MYLK: variants seen among roughly 807,000 people sequenced by gnomAD.
The protein encoded by MYLK is myosin light chain kinase, smooth muscle.
A neutral mutation model predicts 203.4 loss-of-function variants in MYLK; 106 were observed. The observed-to-expected ratio is 0.52, with a 90% CI of 0.45 to 0.61. MYLK has a LOEUF of 0.61. Among genes scored for constraint, MYLK ranks in the 20% least tolerant of loss-of-function variants. MYLK has a pLI of 0.00. For missense variants in MYLK, 2,072 were observed against 2,442.3 expected, an observed-to-expected ratio of 0.85 and a Z score of 3.20; for synonymous variants, 867 against 959.5, an observed-to-expected ratio of 0.90 and a Z score of 1.78.
intron 18 of MYLK, among the ~76,000 whole-genome samples, chr3:123,694,210 G>A (rs67240200): frequency 0.14 from 21,221 of 152,122 alleles, 2,057 homozygotes; most frequent in Middle Eastern, 0.28. Context: ...TAAACCACCT[G>A]GGGCAAGAGG....
chr3:123,727,282 C>A (rs1339231662), intron 11 of MYLK, among the ~76,000 whole-genome samples: 1 of 152,142 alleles, frequency 6.6e-6, no homozygotes, highest in African/African-American at 2.4e-5. Flanking sequence ...TCAGACAGAC[C>A]ACCCAGAAGG....
chr3:123,796,662 T>C (rs993083556), intron 3 of MYLK, among the ~76,000 whole-genome samples: 5 of 152,198 alleles, frequency 3.3e-5, no homozygotes, highest in African/African-American at 7.2e-5. Context: ...CTGAACACTC[T>C]TGGCTCCGAC....
intron 5 of MYLK, among the ~76,000 whole-genome samples, chr3:123,741,435 A>G (rs935964538): frequency 5.3e-5 from 8 of 152,194 alleles, no homozygotes; most frequent in Non-Finnish European, 1.2e-4. Flanking sequence ...GGTTTTTGTC[A>G]TTCCATTCTC....
intron 1 of MYLK, among the ~76,000 whole-genome samples, chr3:123,881,787 A>G (rs2033558842): frequency 6.6e-6 from 1 of 152,136 alleles, no homozygotes; most frequent in Non-Finnish European, 1.5e-5. Context: ...CGCATTCACA[A>G]TCTATGCCTC....
At chr3:123,764,828 C>G (rs1322772692) in intron 4 of MYLK, among the ~76,000 whole-genome samples, 1 of 152,178 alleles carries the variant, frequency 6.6e-6, no homozygotes, top group Non-Finnish European at 1.5e-5. Flanking sequence ...GGAAGTATGT[C>G]ATCTTCCAAT....
Position 123,708,809 on chromosome 3 carries a change from G to A in MYLK, c.2029C>T (p.Gln677Ter). ...EDFHFEQRGT[Q>*]HSLCIQEVFP... ...ACTTCCTGGATACAAAGGCTGTGCT[G>A]AGTTCCTCTCTGTTCAAAGTGGAAG... is the stretch of plus-strand genomic sequence containing the variant. The change falls in exon 15 of 34, where the codon CAG becomes TAG. Residue 677 changes from glutamine to a stop codon, truncating the protein, a stop_gained. Coordinates refer to ENST00000360304, the MANE Select transcript of MYLK (RefSeq NM_053025.4). LOFTEE classifies it high-confidence loss of function. The A allele has an allele frequency of 6.2e-7, 1 of 1,614,198 alleles. No individual in the cohort carries two copies.
At chr3:123,746,549 A>C (rs1345979504) in intron 5 of MYLK, among the ~76,000 whole-genome samples, 1 of 152,206 alleles carries the variant, frequency 6.6e-6, no homozygotes, top group Non-Finnish European at 1.5e-5. Flanking sequence ...AAAGGAGGGA[A>C]GAGATTCCAG....
At chr3:123,863,897 A>C (rs1265940356) in intron 2 of MYLK, among the ~76,000 whole-genome samples, 6 of 152,246 alleles carry the variant, frequency 3.9e-5, no homozygotes, top group Admixed American at 3.9e-4. Flanking sequence ...AAAGACCTAT[A>C]CAAAAATATT....
intron 23 of MYLK, among the ~76,000 whole-genome samples, chr3:123,660,778 G>A (rs573545825): frequency 2.0e-5 from 3 of 152,252 alleles, no homozygotes; most frequent in East Asian, 1.9e-4. Flanking sequence ...AAAACTGTCC[G>A]GAGCAGACCA....
intron 3 of MYLK, among the ~76,000 whole-genome samples, chr3:123,809,503 G>T (rs2065481366): frequency 6.6e-6 from 1 of 152,154 alleles, no homozygotes; most frequent in African/African-American, 2.4e-5. Context: ...TCCAGCCTGG[G>T]CAACAAGAGT....
At chr3:123,875,913 T>G (rs558873654) in intron 2 of MYLK, among the ~76,000 whole-genome samples, 1 of 152,332 alleles carries the variant, frequency 6.6e-6, no homozygotes, top group South Asian at 2.1e-4. Flanking sequence ...TCCAGTTAAC[T>G]TTTAGAAAAA....
At chr3:123,637,950 G>C in intron 29 of MYLK, 121 bp downstream of exon 29, 2 of 1,418,832 alleles carry the variant, frequency 1.4e-6, no homozygotes, top group Non-Finnish European at 9.7e-7. Context: ...TCCTGACTCT[G>C]GGGGGGGCTC....
rs4677899 is a variant in MYLK, at chr3:123,695,470, T to A, written c.3449-2619A>T. Among the ~76,000 whole-genome samples, 5,506 of 152,320 alleles carry A rather than the reference T, an allele frequency of 0.036. 653 individuals carry two copies. In the East Asian group the frequency reaches 0.46, roughly 13 times the overall value. ...TGAGAAGGATGAAGGCATATTTCTG[T>A]AGCAGGTGATCTGGTAGGATCTATG... On this transcript the variant is annotated intron_variant, in intron 18 of 33. Coordinates refer to ENST00000360304, the MANE Select transcript of MYLK (RefSeq NM_053025.4).
chr3:123,675,658 A>T (rs2060049300), intron 20 of MYLK, among the ~76,000 whole-genome samples: 1 of 152,156 alleles, frequency 6.6e-6, no homozygotes, highest in Non-Finnish European at 1.5e-5. Context: ...TAGGTAGTTA[A>T]AAATAGACAT....
At chr3:123,765,828 T>TA (rs775954013) in intron 4 of MYLK, among the ~76,000 whole-genome samples, 14 of 152,178 alleles carry the variant, frequency 9.2e-5, no homozygotes, top group Non-Finnish European at 2.1e-4. Flanking sequence ...CGGTCACAAA[T>TA]ACATTATAAT....
intron 2 of MYLK, among the ~76,000 whole-genome samples, chr3:123,838,609 TAAC>T (rs1482573912): frequency 2.0e-5 from 3 of 152,122 alleles, no homozygotes; most frequent in Admixed American, 6.5e-5. Flanking sequence ...GAAAAATGCA[TAAC>T]AACAACAGCA....
chr3:123,780,464 T>C (rs1003016984), intron 4 of MYLK, among the ~76,000 whole-genome samples: 7 of 152,246 alleles, frequency 4.6e-5, no homozygotes, highest in African/African-American at 1.4e-4. Flanking sequence ...AATAAATGTA[T>C]TTTTATGAAA....
chr3:123,631,782 C>T (rs115655522), intron 29 of MYLK, among the ~76,000 whole-genome samples: 5,774 of 152,074 alleles, frequency 0.038, 356 homozygotes, highest in African/African-American at 0.13. Flanking sequence ...GTCATGTCCC[C>T]ATGAGGGAAG....
intron 1 of MYLK, among the ~76,000 whole-genome samples, chr3:123,882,694 C>T (rs2148734607): frequency 6.6e-6 from 1 of 152,292 alleles, no homozygotes; most frequent in South Asian, 2.1e-4. Flanking sequence ...AATCCAGCAT[C>T]CAGAGTCCAA....
Sources: gnomAD v4.1 joint callset for allele counts (sites outside exome capture counted in the v4.1 genomes callset) on GRCh38, gnomAD v4.1.1 for gene constraint, MANE v1.5 for transcripts, NCBI Gene and HGNC (gene_info 2026-07-23, HGNC 2026-07-21) for gene names.